RPS6KC1: variants seen among roughly 807,000 people sequenced by gnomAD.
RPS6KC1 encodes ribosomal protein S6 kinase C1, also known as inactive ribosomal protein S6 kinase delta-1.
In RPS6KC1, 54 loss-of-function variants were observed where a neutral mutation model predicts 103.8. The ratio of observed to expected loss-of-function variants is 0.52; its 90% CI spans 0.42 to 0.65. The LOEUF (loss-of-function observed/expected upper bound fraction) is 0.65. RPS6KC1 is among the 30% of genes least tolerant of loss of function. RPS6KC1 has a pLI of 0.00. For synonymous variants in RPS6KC1, 439 were observed against 438.7 expected, an observed-to-expected ratio of 1.00 and a Z score of -0.01; for missense variants, 1,151 against 1,253.8, an observed-to-expected ratio of 0.92 and a Z score of 1.24.
At chr1:213,132,498 T>C (rs952527047) in intron 6 of RPS6KC1, among the ~76,000 whole-genome samples, 14 of 152,178 alleles carry the variant, frequency 9.2e-5, no homozygotes, top group Non-Finnish European at 1.8e-4. Flanking sequence ...GTGCTTCCAG[T>C]CCATGGATTC....
At chr1:213,562,290 A>G in the RPS6KC1 span, among the ~76,000 whole-genome samples, 2 of 145,950 alleles carry the variant, frequency 1.4e-5, no homozygotes, top group Admixed American at 6.9e-5. Flanking sequence ...CCAGCATATG[A>G]TCAAGTTTTA....
chr1:213,664,896 G>T, the RPS6KC1 span, among the ~76,000 whole-genome samples: 12 of 152,212 alleles, frequency 7.9e-5, no homozygotes, highest in Middle Eastern at 0.017. Flanking sequence ...CTTTATATAT[G>T]AAAGAGCATA....
chr1:213,596,253 G>A, the RPS6KC1 span, among the ~76,000 whole-genome samples: 1 of 152,204 alleles, frequency 6.6e-6, no homozygotes, highest in Admixed American at 6.5e-5. Flanking sequence ...TCATGCTCTG[G>A]AGTGATACCT....
chr1:213,809,486 A>G, the RPS6KC1 span, among the ~76,000 whole-genome samples: 1 of 152,190 alleles, frequency 6.6e-6, no homozygotes, highest in Non-Finnish European at 1.5e-5. Flanking sequence ...AACTTGCTTG[A>G]TACAGGGTTT....
the RPS6KC1 span, among the ~76,000 whole-genome samples, chr1:213,612,531 A>G: frequency 6.6e-6 from 1 of 152,220 alleles, no homozygotes; most frequent in Non-Finnish European, 1.5e-5. Flanking sequence ...TCCATGGTTT[A>G]TGAGATTACA....
the RPS6KC1 span, among the ~76,000 whole-genome samples, chr1:213,391,885 A>T: frequency 1.3e-5 from 2 of 152,106 alleles, no homozygotes; most frequent in Non-Finnish European, 2.9e-5. Context: ...TGTCCTTAGG[A>T]TCATCCTTGA....
chr1:213,790,654 C>T, the RPS6KC1 span, among the ~76,000 whole-genome samples: 1 of 152,100 alleles, frequency 6.6e-6, no homozygotes, highest in Non-Finnish European at 1.5e-5. Flanking sequence ...GCCGTATCAT[C>T]CACTATCCAG....
the RPS6KC1 span, among the ~76,000 whole-genome samples, chr1:213,760,970 C>T: frequency 2.0e-5 from 3 of 147,288 alleles, no homozygotes; most frequent in East Asian, 2.0e-4. Context: ...TTTTTTAAGG[C>T]TCCAACAAAA....
chr1:213,058,366 C>T (rs1572240775), intron 1 of RPS6KC1, among the ~76,000 whole-genome samples: 1 of 151,798 alleles, frequency 6.6e-6, no homozygotes, highest in East Asian at 1.9e-4. Flanking sequence ...AAATATTTTT[C>T]CCAATGTTTT....
the RPS6KC1 span, among the ~76,000 whole-genome samples, chr1:213,467,998 A>G: frequency 6.6e-6 from 1 of 152,204 alleles, no homozygotes; most frequent in African/African-American, 2.4e-5. Flanking sequence ...AGAACACTCC[A>G]TTTGTTCTCT....
chr1:213,474,917 C>T, the RPS6KC1 span, among the ~76,000 whole-genome samples: 1 of 152,180 alleles, frequency 6.6e-6, no homozygotes, highest in Non-Finnish European at 1.5e-5. Flanking sequence ...TTAACAACAT[C>T]AAGGCAAGAC....
chr1:213,274,347 A>C lies in RPS6KC1; in HGVS notation c.*1713A>C, dbSNP rs2095100432. On this transcript the variant is annotated 3_prime_UTR_variant, in exon 15 of 15. Coordinates refer to ENST00000366960, the MANE Select transcript of RPS6KC1 (RefSeq NM_012424.6). ...GCTGGCCATTACAGAACTTCCTTCC[A>C]GAAGTGCCCTGTGACATGAAAGTAG... The C allele has an allele frequency of 6.6e-6, 1 of 152,250 alleles. No individual in the cohort carries two copies. The highest frequency in any genetic ancestry group is 1.5e-5 in the Non-Finnish European group (1 of 68,044). The allele number at this position is 152,250 out of a possible 1,614,324, so 9.4% of individuals were successfully genotyped here. A position where few individuals can be genotyped will look rare whatever the true frequency, so the allele number is the denominator to read the frequency against.
the RPS6KC1 span, among the ~76,000 whole-genome samples, chr1:213,405,851 G>C: frequency 6.6e-6 from 1 of 152,312 alleles, no homozygotes; most frequent in Admixed American, 6.5e-5. Flanking sequence ...AAGTAGGTGG[G>C]AGTATAGGAG....
the RPS6KC1 span, among the ~76,000 whole-genome samples, chr1:213,356,248 G>A: frequency 1.3e-5 from 2 of 152,138 alleles, no homozygotes; most frequent in Non-Finnish European, 1.5e-5. Context: ...TAGATGTGCT[G>A]GATATTTTCT....
At chr1:213,549,350 T>C in the RPS6KC1 span, among the ~76,000 whole-genome samples, 1 of 152,274 alleles carries the variant, frequency 6.6e-6, no homozygotes, top group African/African-American at 2.4e-5. Flanking sequence ...GCAAGGATTT[T>C]AGCTGGATTG....
chr1:213,275,904 C>G (rs1293256324), downstream of RPS6KC1, among the ~76,000 whole-genome samples: 1 of 152,192 alleles, frequency 6.6e-6, no homozygotes, highest in African/African-American at 2.4e-5. Flanking sequence ...TGGTAAGCAC[C>G]ATTTTACTTT....
chr1:213,152,670 C>G, intron 6 of RPS6KC1, among the ~76,000 whole-genome samples: 1 of 151,822 alleles, frequency 6.6e-6, no homozygotes, highest in Non-Finnish European at 1.5e-5. Context: ...CTCCTCACTT[C>G]CTAGATGTGA....
chr1:213,379,674 C>T, the RPS6KC1 span, among the ~76,000 whole-genome samples: 1 of 152,190 alleles, frequency 6.6e-6, no homozygotes, highest in Non-Finnish European at 1.5e-5. Flanking sequence ...TGTGACTCCT[C>T]CTCTCCCTCT....
At chr1:213,465,937 A>G in the RPS6KC1 span, among the ~76,000 whole-genome samples, 1 of 152,080 alleles carries the variant, frequency 6.6e-6, no homozygotes, top group Non-Finnish European at 1.5e-5. Context: ...CGTGCCTTAG[A>G]GACCATCCTT....
Sources: allele counts gnomAD v4.1 joint callset (sites outside exome capture counted in the v4.1 genomes callset), GRCh38; gene constraint gnomAD v4.1.1; transcripts MANE v1.5; gene names NCBI Gene and HGNC (gene_info 2026-07-23, HGNC 2026-07-21).